Variants in AP3S1 observed in about 807,000 individuals in gnomAD.
The protein encoded by AP3S1 is AP-3 complex subunit sigma-1.
Under a neutral mutation model 21.3 loss-of-function variants are expected in AP3S1, and 12 were observed. That is an observed-to-expected ratio of 0.56 (90% CI 0.36 to 0.91). The LOEUF is 0.91. AP3S1 is among the 40% of genes least tolerant of loss of function. The pLI, the probability that AP3S1 is intolerant of heterozygous loss-of-function variation, is 0.01. For missense variants in AP3S1, 116 were observed against 225.0 expected (o/e 0.52, Z 3.10); for synonymous variants, 48 against 78.4 (o/e 0.61, Z 2.05).
intron 1 of AP3S1, among the ~76,000 whole-genome samples, chr5:115,857,737 A>C (rs2112800612): frequency 6.6e-6 from 1 of 152,336 alleles, no homozygotes; most frequent in East Asian, 1.9e-4. Context: ...TTCTGCTATT[A>C]AAAATGATTA....
chr5:115,860,248 A>G (rs1413116630), intron 1 of AP3S1, among the ~76,000 whole-genome samples: 1 of 152,210 alleles, frequency 6.6e-6, no homozygotes, highest in African/African-American at 2.4e-5. Context: ...TTAAAGTGCC[A>G]TGCGATGCAA....
chr5:115,891,841 T>C (rs1561514384), intron 3 of AP3S1, among the ~76,000 whole-genome samples: 1 of 152,088 alleles, frequency 6.6e-6, no homozygotes, highest in Non-Finnish European at 1.5e-5. Context: ...AGCCACAGGG[T>C]TGGAGCTGCC....
intron 1 of AP3S1, among the ~76,000 whole-genome samples, chr5:115,847,398 G>A (rs1439787535): frequency 6.6e-6 from 1 of 152,170 alleles, no homozygotes. Context: ...TGGGAGGATT[G>A]TTTGAGCCCA....
At chr5:115,911,231 C>T (rs1478369258) in intron 5 of AP3S1, among the ~76,000 whole-genome samples, 2 of 151,820 alleles carry the variant, frequency 1.3e-5, no homozygotes, top group East Asian at 3.9e-4. Flanking sequence ...CTTCATGGTA[C>T]AGGATATTAT....
At chr5:115,844,050 T>C (rs1361537258) in intron 1 of AP3S1, among the ~76,000 whole-genome samples, 1 of 152,194 alleles carries the variant, frequency 6.6e-6, no homozygotes, top group African/African-American at 2.4e-5. Flanking sequence ...TGAGAAGTTG[T>C]TTCTGTGTTT....
intron 3 of AP3S1, among the ~76,000 whole-genome samples, chr5:115,890,274 A>G (rs1243926479): frequency 1.3e-5 from 2 of 152,206 alleles, no homozygotes; most frequent in East Asian, 3.9e-4. Context: ...CACCAGTAGA[A>G]TGGACACACT....
chr5:115,850,103 T>G lies in AP3S1; in HGVS notation c.69+7997T>G, dbSNP rs565678934. On this transcript the variant is annotated intron_variant, in intron 1 of 5. Transcript: ENST00000316788. ...CCCACTAGACCCACCTCTATTGTAC[T>G]GAAAAGCATTTACATTTTTCCACTC... Among the ~76,000 whole-genome samples the G allele has an allele frequency of 4.2e-4, 64 of 152,310 alleles. 1 individual carries two copies. The highest frequency in any genetic ancestry group is 1.5e-3 in the African/African-American group (64 of 41,582).
At chr5:115,911,332 T>C (rs930051276) in intron 5 of AP3S1, among the ~76,000 whole-genome samples, 2 of 151,718 alleles carry the variant, frequency 1.3e-5, no homozygotes, top group Non-Finnish European at 3.0e-5. Flanking sequence ...AATACACAGA[T>C]AAACACACAC....
chr5:115,867,809 C>T (rs2112831768), intron 2 of AP3S1, among the ~76,000 whole-genome samples: 1 of 152,306 alleles, frequency 6.6e-6, no homozygotes, highest in East Asian at 1.9e-4. Flanking sequence ...TCCTAGGAAA[C>T]TTACCACCCA....
At chr5:115,850,102 C>T (rs937937279) in intron 1 of AP3S1, among the ~76,000 whole-genome samples, 3 of 152,130 alleles carry the variant, frequency 2.0e-5, no homozygotes, top group African/African-American at 7.2e-5. Flanking sequence ...CTCTATTGTA[C>T]TGAAAAGCAT....
chr5:115,851,367 G>T (rs1286591618), intron 1 of AP3S1, among the ~76,000 whole-genome samples: 1 of 152,104 alleles, frequency 6.6e-6, no homozygotes, highest in Non-Finnish European at 1.5e-5. Flanking sequence ...AGATTATATG[G>T]TAATTTTATG....
intron 3 of AP3S1, 141 bp from the exon 4 acceptor site, chr5:115,894,946 T>A (rs1750622968): frequency 7.3e-6 from 4 of 549,112 alleles, no homozygotes; most frequent in Non-Finnish European, 1.3e-5. Context: ...TTTACTTTTT[T>A]TGCATTAATA....
intron 3 of AP3S1, among the ~76,000 whole-genome samples, chr5:115,889,282 A>G (rs1038821211): frequency 5.3e-5 from 8 of 152,192 alleles, no homozygotes; most frequent in East Asian, 1.9e-4. Flanking sequence ...TAGGTAATCA[A>G]TGGAACTAGA....
At chr5:115,905,956 G>C (rs1256084622) in intron 5 of AP3S1, among the ~76,000 whole-genome samples, 1 of 152,174 alleles carries the variant, frequency 6.6e-6, no homozygotes, top group Non-Finnish European at 1.5e-5. Flanking sequence ...AGGAGTTTGA[G>C]ACCAGCCTGG....
chr5:115,842,392 G>C (rs1196201919), intron 1 of AP3S1: 1 of 325,370 alleles, frequency 3.1e-6, no homozygotes, highest in Non-Finnish European at 5.5e-6. Context: ...GACTTCCCGG[G>C]GCCCGGCCCT....
intron 1 of AP3S1, among the ~76,000 whole-genome samples, 165 bp downstream of exon 1, chr5:115,842,271 G>C (rs547546733): frequency 6.6e-6 from 1 of 152,218 alleles, no homozygotes; most frequent in Admixed American, 6.5e-5. Context: ...GTGTGGACAG[G>C]GTGCCCACCT....
In AP3S1 at chr5:115,854,038, G is replaced by T. The variant is rs556787771; in HGVS notation, c.69+11932G>T. Among the ~76,000 whole-genome samples, 414 of 152,284 alleles carry T rather than the reference G, an allele frequency of 2.7e-3. 3 individuals carry two copies. Among genetic ancestry groups the T allele is most frequent in the African/African-American group, 9.3e-3 (386 of 41,562 alleles). ...AGTCCAAGGTCAAGGAGCCACGTGTGGTGAGGGCCTTCCTGCTGCATCATA... is the reference window on the plus strand; with the variant it reads ...AGTCCAAGGTCAAGGAGCCACGTGTTGTGAGGGCCTTCCTGCTGCATCATA... On this transcript the variant is annotated intron_variant, in intron 1 of 5. Transcript: ENST00000316788.
intron 5 of AP3S1, among the ~76,000 whole-genome samples, chr5:115,907,989 T>C (rs1251966660): frequency 1.3e-5 from 2 of 152,144 alleles, no homozygotes; most frequent in Non-Finnish European, 2.9e-5. Flanking sequence ...CACTTACTAA[T>C]TAGAAAAACA....
intron 2 of AP3S1, among the ~76,000 whole-genome samples, chr5:115,868,009 C>G (rs1747850257): frequency 6.6e-6 from 1 of 152,156 alleles, no homozygotes; most frequent in Non-Finnish European, 1.5e-5. Context: ...TTTCCTTGGA[C>G]AGGTTACTTA....
Sources: gnomAD v4.1 joint callset for allele counts (sites outside exome capture counted in the v4.1 genomes callset) on GRCh38, gnomAD v4.1.1 for gene constraint, MANE v1.5 for transcripts, NCBI Gene and HGNC (gene_info 2026-07-23, HGNC 2026-07-21) for gene names.